RGS20: variants seen among roughly 807,000 people sequenced by gnomAD.
The protein encoded by RGS20 is gz-selective GTPase-activating protein.
Under a neutral mutation model 33.6 loss-of-function variants are expected in RGS20, and 30 were observed. The observed-to-expected ratio is 0.89, with a 90% CI of 0.67 to 1.21. The LOEUF (loss-of-function observed/expected upper bound fraction) is 1.21, where lower values mean the gene tolerates loss of function less well. Among genes scored for constraint, RGS20 ranks in the 50% most tolerant of loss-of-function variants. RGS20 has a pLI of 0.00. For synonymous variants in RGS20, 208 were observed against 197.9 expected, an observed-to-expected ratio of 1.05 and a Z score of -0.43; for missense variants, 472 against 502.4, an observed-to-expected ratio of 0.94 and a Z score of 0.58.
chr8:53,908,258 T>C (rs1813239142), intron 2 of RGS20, among the ~76,000 whole-genome samples: 1 of 152,000 alleles, frequency 6.6e-6, no homozygotes, highest in Admixed American at 6.6e-5. Context: ...AAGGAAGTCA[T>C]GAAAGTTAGA....
At chr8:53,928,250 C>T (rs59483632) in intron 2 of RGS20, among the ~76,000 whole-genome samples, 1 of 152,096 alleles carries the variant, frequency 6.6e-6, no homozygotes, top group Non-Finnish European at 1.5e-5. Flanking sequence ...TTTAGTTCCC[C>T]TCAGGCTCTT....
At chr8:53,924,086 T>C (rs1813725065) in intron 2 of RGS20, among the ~76,000 whole-genome samples, 1 of 152,080 alleles carries the variant, frequency 6.6e-6, no homozygotes, top group African/African-American at 2.4e-5. Flanking sequence ...GGAATGATTA[T>C]AGTTCACTGC....
At chr8:53,897,870 A>G (rs190783370) in intron 2 of RGS20, among the ~76,000 whole-genome samples, 2 of 152,370 alleles carry the variant, frequency 1.3e-5, no homozygotes, top group Admixed American at 1.3e-4. Context: ...TTAGTTATGG[A>G]AAGGACATTA....
chr8:53,897,264 C>T (rs991247935), intron 2 of RGS20, among the ~76,000 whole-genome samples: 1 of 152,172 alleles, frequency 6.6e-6, no homozygotes, highest in African/African-American at 2.4e-5. Context: ...GATTTGTGCC[C>T]AGCACAAGCA....
chr8:53,872,256 C>G lies in RGS20; in HGVS notation c.166-7002C>G, dbSNP rs565520850. Among the ~76,000 whole-genome samples the G allele has an allele frequency of 4.6e-5, 7 of 152,160 alleles. No individual in the cohort carries two copies. In the South Asian group the frequency reaches 1.5e-3, roughly 32 times the overall value. ...CAAGTCATCATCTTCTTTCTTATTC[C>G]TACCCTTGCCCCCTCCCCAATTCAC... On this transcript the variant is annotated intron_variant, in intron 1 of 5. Coordinates refer to ENST00000297313, the MANE Select transcript of RGS20 (RefSeq NM_170587.4).
rs199884693 is a variant in RGS20 at position 53,879,436 on chromosome 8, G to T, written c.344G>T (p.Arg115Leu). ...CTGCTTCCCGCCCTGCCGGCCGCCC[G>T]GCTCTCGAGGGGGCACGAGGAGCTG... is the stretch of plus-strand genomic sequence containing the variant. Residue 115 changes from arginine (R) to leucine (L), a missense_variant, in exon 2 of 6, where the codon CGG becomes CTG. By Grantham distance (102) the Arg-to-Leu change is moderately radical (BLOSUM62 -2). Coordinates refer to ENST00000297313, the MANE Select transcript of RGS20 (RefSeq NM_170587.4). 6.2e-7 allele frequency: 1 copy of T among 1,605,248 alleles called. No homozygotes were observed. The highest frequency in any genetic ancestry group is 8.5e-7 in the Non-Finnish European group (1 of 1,176,652).
chr8:53,897,333 C>T (rs1377027067), intron 2 of RGS20, among the ~76,000 whole-genome samples: 5 of 152,232 alleles, frequency 3.3e-5, no homozygotes, highest in African/African-American at 1.2e-4. Context: ...TCCTGCAGCA[C>T]TGGGTAAGGC....
intron 5 of RGS20, among the ~76,000 whole-genome samples, chr8:53,957,028 T>C (rs1421282085): frequency 6.6e-6 from 1 of 152,154 alleles, no homozygotes; most frequent in Non-Finnish European, 1.5e-5. Context: ...ACCTAAGACA[T>C]TACCATCATC....
chr8:53,946,193 C>A (rs1814471870), intron 3 of RGS20, among the ~76,000 whole-genome samples: 1 of 152,016 alleles, frequency 6.6e-6, no homozygotes. Flanking sequence ...CCAATACATT[C>A]CTGACAGTCT....
At chr8:53,907,732 T>C (rs1813223683) in intron 2 of RGS20, among the ~76,000 whole-genome samples, 2 of 152,130 alleles carry the variant, frequency 1.3e-5, no homozygotes, top group South Asian at 4.1e-4. Context: ...CATGGCTTCT[T>C]AGGATCCCAG....
intron 2 of RGS20, among the ~76,000 whole-genome samples, chr8:53,913,106 C>T (rs1813393106): frequency 6.6e-6 from 1 of 152,012 alleles, no homozygotes; most frequent in Admixed American, 6.6e-5. Flanking sequence ...GCTGGGATTA[C>T]AGGCACCTGC....
chr8:53,854,970 A>G (rs747209995), intron 1 of RGS20, among the ~76,000 whole-genome samples: 2 of 152,228 alleles, frequency 1.3e-5, no homozygotes, highest in Non-Finnish European at 2.9e-5. Flanking sequence ...ACACGAAACA[A>G]CTTGATAAAC....
intron 4 of RGS20, among the ~76,000 whole-genome samples, chr8:53,947,168 T>G (rs10092079): frequency 0.7 from 100,249 of 144,012 alleles, 36,538 homozygotes; most frequent in African/African-American, 0.91. Context: ...ATTTATACAC[T>G]CTATATAAGA....
At chr8:53,933,423 A>C (rs965641472) in intron 2 of RGS20, among the ~76,000 whole-genome samples, 3 of 152,222 alleles carry the variant, frequency 2.0e-5, no homozygotes, top group Non-Finnish European at 2.9e-5. Flanking sequence ...AAATGACCTG[A>C]TGTAGCTGAA....
chr8:53,916,361 T>C (rs1813482064), intron 2 of RGS20, among the ~76,000 whole-genome samples: 1 of 152,106 alleles, frequency 6.6e-6, no homozygotes, highest in Admixed American at 6.5e-5. Flanking sequence ...TTAAATTTAC[T>C]GACATATTTT....
chr8:53,899,134 T>A (rs1021706074), intron 2 of RGS20, among the ~76,000 whole-genome samples: 3 of 152,232 alleles, frequency 2.0e-5, no homozygotes, highest in African/African-American at 4.8e-5. Flanking sequence ...CCTGTGTCTG[T>A]CCTCCTGGCA....
Position 53,879,393 on chromosome 8 carries a change from C to T in RGS20, c.301C>T (p.Arg101Cys). 1.2e-6 allele frequency: 2 copies of T among 1,611,082 alleles called. No individual in the cohort carries two copies. Among genetic ancestry groups the T allele is most frequent in the Non-Finnish European group, 1.7e-6 (2 of 1,179,588 alleles). The change falls in exon 2 of 6, where the codon CGC becomes TGC. Residue 101 changes from arginine to cysteine, a missense_variant. This residue lies in a region of RGS20 where 319 missense variants were observed against 283.4 expected (regional missense o/e 1.13). Transcript: ENST00000297313. ...ACCCCCTCCCGAGGCTCCCCGGAGG[C>T]GCCTGGACTTCTCCCCCCTGCTTCC...
chr8:53,933,305 C>A (rs1013697617), intron 2 of RGS20, among the ~76,000 whole-genome samples: 6 of 152,064 alleles, frequency 3.9e-5, no homozygotes, highest in Non-Finnish European at 2.9e-5. Context: ...AGGTAATAAA[C>A]TCCTCTGAGC....
intron 3 of RGS20, among the ~76,000 whole-genome samples, chr8:53,944,378 A>G (rs1814401338): frequency 6.6e-6 from 1 of 152,118 alleles, no homozygotes; most frequent in Non-Finnish European, 1.5e-5. Flanking sequence ...TCTCTACTAA[A>G]AATACAAAAA....
Sources: gnomAD v4.1 joint callset for allele counts (sites outside exome capture counted in the v4.1 genomes callset) on GRCh38, gnomAD v4.1.1 for gene constraint, gnomAD v4.1.1 regional missense constraint, MANE v1.5 for transcripts, NCBI Gene and HGNC (gene_info 2026-07-23, HGNC 2026-07-21) for gene names.